FAS: variants seen among roughly 807,000 people sequenced by gnomAD.
FAS encodes Fas cell surface death receptor.
A neutral mutation model predicts 33.2 loss-of-function variants in FAS; 5 were observed. The observed-to-expected ratio is 0.15, with a 90% CI of 0.08 to 0.32. The LOEUF (loss-of-function observed/expected upper bound fraction) is 0.32, where lower values mean the gene tolerates loss of function less well. Ranked by LOEUF, FAS falls within the 10% of genes least tolerant of loss-of-function variation. FAS has a pLI of 1.00. For synonymous variants in FAS, 131 were observed against 130.7 expected, an observed-to-expected ratio of 1.00 and a Z score of -0.01; for missense variants, 339 against 386.0, an observed-to-expected ratio of 0.88 and a Z score of 1.02.
intron 1 of FAS, among the ~76,000 whole-genome samples, chr10:88,995,606 T>C (rs1209251689): frequency 6.6e-6 from 1 of 152,130 alleles, no homozygotes; most frequent in Non-Finnish European, 1.5e-5. Flanking sequence ...GGATCATGGA[T>C]CACTTGAGAT....
intron 2 of FAS, among the ~76,000 whole-genome samples, chr10:89,005,452 T>C (rs1474727787): frequency 6.6e-6 from 1 of 152,158 alleles, no homozygotes; most frequent in Non-Finnish European, 1.5e-5. Flanking sequence ...CATCATCATA[T>C]TCAATAAGAA....
Position 88,990,941 on chromosome 10 carries a change from C to G in FAS, c.30+35C>G, listed in dbSNP as rs1847142355. The G allele has an allele frequency of 6.2e-7, 1 of 1,614,036 alleles. No homozygotes were observed. Among genetic ancestry groups the G allele is most frequent in the Admixed American group, 1.7e-5 (1 of 60,022 alleles). On this transcript the variant is annotated intron_variant, in intron 1 of 8. Coordinates refer to ENST00000652046, the MANE Select transcript of FAS (RefSeq NM_000043.6). The surrounding 1 kb of genome is among the most constrained non-coding windows in gnomAD (Gnocchi z 4.9). ...CTCCTGCCCGGGTGGAGGCTTACCC[C>G]GTCTTAGTCCCGGGGATAGGCAAAG...
chr10:88,966,282 G>A (rs867232444), intron 1 of FAS, among the ~76,000 whole-genome samples: 1 of 152,136 alleles, frequency 6.6e-6, no homozygotes, highest in Non-Finnish European at 1.5e-5. Context: ...AGGATCCCAG[G>A]CTTATGTCCT....
chr10:89,004,417 A>G (rs1848105508), intron 2 of FAS, among the ~76,000 whole-genome samples: 1 of 152,096 alleles, frequency 6.6e-6, no homozygotes, highest in Non-Finnish European at 1.5e-5. Flanking sequence ...CACAATCTGC[A>G]GGTTAGTTAC....
intron 6 of FAS, 119 bp from the exon 7 acceptor site, chr10:89,011,880 T>C (rs1848546190): frequency 1.0e-6 from 1 of 969,154 alleles, no homozygotes; most frequent in South Asian, 1.4e-5. Flanking sequence ...TTGGCCACTT[T>C]TAAGTTTCAC....
chr10:89,010,282 G>T (rs1247530101), intron 4 of FAS, among the ~76,000 whole-genome samples: 1 of 152,036 alleles, frequency 6.6e-6, no homozygotes, highest in Non-Finnish European at 1.5e-5. Context: ...TCTCTCTTGT[G>T]TGTCACTATT....
chr10:89,014,939 A>G lies in FAS; in HGVS notation c.*489A>G. ...TTTACCATATTTCTAAACTTTGTTT[A>G]TAACTCTGAGAAGATCATATTTATG... On this transcript the variant is annotated 3_prime_UTR_variant, in exon 9 of 9. Transcript: ENST00000652046. 1.9e-6 allele frequency: 1 copy of G among 534,916 alleles called. No homozygotes were observed. Among genetic ancestry groups the G allele is most frequent in the South Asian group, 1.5e-5 (1 of 65,176 alleles). The allele number at this position is 534,916 out of a possible 1,614,324, so 33.1% of individuals were successfully genotyped here.
At chr10:89,005,947 A>T (rs1265281795) in intron 2 of FAS, among the ~76,000 whole-genome samples, 1 of 152,150 alleles carries the variant, frequency 6.6e-6, no homozygotes, top group African/African-American at 2.4e-5. Flanking sequence ...CCTGATACAT[A>T]AGTTCTTATT....
chr10:89,004,526 C>G (rs1430031849), intron 2 of FAS, among the ~76,000 whole-genome samples: 2 of 144,012 alleles, frequency 1.4e-5, no homozygotes, highest in African/African-American at 5.1e-5. Flanking sequence ...TCCCCCCAAC[C>G]CACTGTTTAT....
upstream of FAS, among the ~76,000 whole-genome samples, chr10:88,987,293 T>C (rs550431228): frequency 6.6e-6 from 1 of 152,380 alleles, no homozygotes; most frequent in South Asian, 2.1e-4. Context: ...AGAATTATTA[T>C]ACTGATCAAA....
At chr10:89,006,506 G>T (rs1024684344) in intron 2 of FAS, among the ~76,000 whole-genome samples, 1 of 152,202 alleles carries the variant, frequency 6.6e-6, no homozygotes, top group African/African-American at 2.4e-5. Context: ...GGTGAGCAGA[G>T]CAGATTAAAC....
At chr10:88,973,409 CA>C in intron 2 of FAS, 1 of 1,307,146 alleles carries the variant, frequency 7.7e-7, no homozygotes, top group Non-Finnish European at 1.0e-6. Flanking sequence ...CCGATGAAAA[CA>C]ACTCTTTCTT....
In FAS at chr10:89,010,583, C is replaced by T. The variant is rs563551720; in HGVS notation, c.488C>T (p.Thr163Ile). 36 of 1,613,780 alleles carry T rather than the reference C, an allele frequency of 2.2e-5. 1 individual carries two copies. In the Admixed American group the frequency reaches 4.2e-4, roughly 19 times the overall value. Reference protein sequence around the residue: ...IIKECTLTSNTKCKEEGSRSN... With the variant: ...IIKECTLTSNIKCKEEGSRSN... Reference sequence around the variant, plus strand: ...AAGGAATGCACACTCACCAGCAACACCAAGTGCAAAGAGGAAGGTAATTAT... The same window carrying T: ...AAGGAATGCACACTCACCAGCAACATCAAGTGCAAAGAGGAAGGTAATTAT... Residue 163 changes from threonine (T) to isoleucine (I), a missense_variant, in exon 5 of 9, where the codon ACC (threonine) becomes ATC (isoleucine). Physicochemically the swap from Thr to Ile is moderately conservative, Grantham distance 89. Around this residue, in one of 3 missense-constraint regions of FAS, gnomAD observed 276 missense variants for 300.1 expected, o/e 0.92. Transcript: ENST00000652046.
rs377337130 is a variant in FAS, at chr10:89,014,309, A to C, written c.867A>C (p.Glu289Asp). Residue 289 changes from glutamate to aspartate, a missense_variant, in exon 9 of 9, where the codon GAA becomes GAC. This residue lies in a region of FAS where 52 missense variants were observed against 52.7 expected (regional missense o/e 0.99). Transcript: ENST00000652046. Reference protein sequence around the residue: ...RNWHQLHGKKEAYDTLIKDLK... With the variant: ...RNWHQLHGKKDAYDTLIKDLK... ...GGCATCAACTTCATGGAAAGAAAGA[A>C]GCGTATGACACATTGATTAAAGATC... 155 of 1,613,920 alleles carry C rather than the reference A, an allele frequency of 9.6e-5. No homozygotes were observed. The highest frequency in any genetic ancestry group is 1.2e-4 in the Non-Finnish European group (147 of 1,179,962).
At chr10:88,984,228 C>T (rs1307459787), upstream of FAS, among the ~76,000 whole-genome samples, 1 of 152,124 alleles carries the variant, frequency 6.6e-6, no homozygotes, top group East Asian at 1.9e-4. Flanking sequence ...AATAAATTGC[C>T]TTGAGAAATA....
intron 1 of FAS, among the ~76,000 whole-genome samples, chr10:88,967,593 C>A (rs1279839660): frequency 6.6e-6 from 1 of 152,178 alleles, no homozygotes; most frequent in Non-Finnish European, 1.5e-5. Context: ...CGCAGCTTGG[C>A]AACCTTCAAA....
intron 1 of FAS, among the ~76,000 whole-genome samples, chr10:88,995,626 G>A (rs539854999): frequency 6.6e-5 from 10 of 152,152 alleles, no homozygotes; most frequent in Non-Finnish European, 1.3e-4. Context: ...TTAGGAGTTT[G>A]AGACCAGCCT....
chr10:89,012,392 G>A, intron 7 of FAS: 1 of 315,198 alleles, frequency 3.2e-6, no homozygotes, highest in Non-Finnish European at 6.1e-6. Flanking sequence ...TGCCCAGGCT[G>A]GTCTCAAACT....
At chr10:88,973,137 G>C (rs749163882) in intron 1 of FAS, 4 of 1,534,164 alleles carry the variant, frequency 2.6e-6, no homozygotes, top group Non-Finnish European at 3.5e-6. Flanking sequence ...CCTGGGCCTT[G>C]CCTCCCAATC....
Sources: gnomAD v4.1 joint callset for allele counts (sites outside exome capture counted in the v4.1 genomes callset) on GRCh38, gnomAD v4.1.1 for gene constraint, gnomAD v4.1.1 regional missense constraint, Gnocchi (gnomAD v3.1) non-coding constraint, MANE v1.5 for transcripts, NCBI Gene and HGNC (gene_info 2026-07-23, HGNC 2026-07-21) for gene names.